Variants in FRMD4A observed in about 807,000 individuals in gnomAD.
FRMD4A encodes FERM domain containing 4A.
Under a neutral mutation model 129.1 loss-of-function variants are expected in FRMD4A, and 29 were observed. The ratio of observed to expected loss-of-function variants is 0.22; its 90% confidence interval spans 0.17 to 0.31. The LOEUF (loss-of-function observed/expected upper bound fraction) is 0.31, where lower values mean the gene tolerates loss of function less well. FRMD4A is among the 10% of genes least tolerant of loss of function. FRMD4A has a pLI of 1.00. For missense variants in FRMD4A, 1,272 were observed against 1,375.8 expected (o/e 0.92, Z 1.19); for synonymous variants, 634 against 571.6 (o/e 1.11, Z -1.56).
intron 2 of FRMD4A, among the ~76,000 whole-genome samples, chr10:14,012,414 A>C (rs2095685461): frequency 6.6e-6 from 1 of 152,204 alleles, no homozygotes; most frequent in South Asian, 2.1e-4. Flanking sequence ...AGGTTTCAGG[A>C]AAGTCAATGG....
At chr10:13,694,290 T>C (rs896424947) in intron 14 of FRMD4A, among the ~76,000 whole-genome samples, 4 of 152,242 alleles carry the variant, frequency 2.6e-5, no homozygotes, top group Non-Finnish European at 1.5e-5. Context: ...TAGGCTGCAC[T>C]GCTTTGTGCT....
intron 23 of FRMD4A, chr10:13,652,219 A>G: frequency 7.2e-6 from 4 of 559,298 alleles, no homozygotes; most frequent in Non-Finnish European, 1.3e-5. Context: ...GTATCACATC[A>G]TAGCAAACAG....
intron 3 of FRMD4A, among the ~76,000 whole-genome samples, chr10:13,834,769 A>G (rs2093846874): frequency 6.6e-6 from 1 of 152,168 alleles, no homozygotes; most frequent in African/African-American, 2.4e-5. Context: ...ACACATTTCC[A>G]GGAAGGCTAT....
chr10:13,927,262 G>GA (rs947768696), intron 2 of FRMD4A, among the ~76,000 whole-genome samples: 8 of 133,342 alleles, frequency 6.0e-5, no homozygotes, highest in East Asian at 4.3e-4. Context: ...CAAAAAAAAA[G>GA]AAAAAAAAAA....
At chr10:13,746,859 G>A (rs766805120) in intron 9 of FRMD4A, among the ~76,000 whole-genome samples, 1 of 152,130 alleles carries the variant, frequency 6.6e-6, no homozygotes, top group African/African-American at 2.4e-5. Flanking sequence ...CCCAACTGTG[G>A]CCCAAACCAC....
intron 2 of FRMD4A, among the ~76,000 whole-genome samples, chr10:14,137,461 T>C (rs553058606): frequency 1.3e-5 from 2 of 152,210 alleles, no homozygotes; most frequent in Non-Finnish European, 1.5e-5. Flanking sequence ...TCCTCTCCCA[T>C]TGAGATTCCC....
chr10:13,946,354 T>C (rs1211636141), intron 2 of FRMD4A, among the ~76,000 whole-genome samples: 1 of 152,240 alleles, frequency 6.6e-6, no homozygotes, highest in Admixed American at 6.5e-5. Context: ...CTCAGCCATA[T>C]TGTCAACCAA....
intron 2 of FRMD4A, among the ~76,000 whole-genome samples, chr10:14,080,965 G>A (rs939128231): frequency 2.6e-5 from 4 of 151,908 alleles, no homozygotes; most frequent in South Asian, 2.1e-4. Context: ...TGATGGAACC[G>A]TCATCTCTGT....
chr10:14,085,422 C>A (rs1836209427), intron 2 of FRMD4A, among the ~76,000 whole-genome samples: 1 of 152,218 alleles, frequency 6.6e-6, no homozygotes, highest in African/African-American at 2.4e-5. Flanking sequence ...AAAATAGTAG[C>A]TTTTCAGCAG....
intron 2 of FRMD4A, among the ~76,000 whole-genome samples, chr10:13,899,274 T>A (rs547965766): frequency 6.6e-6 from 1 of 152,234 alleles, no homozygotes; most frequent in East Asian, 1.9e-4. Context: ...ACAACTAACA[T>A]TGTGGTGAGT....
chr10:13,650,046 C>T (rs934620333), intron 24 of FRMD4A, among the ~76,000 whole-genome samples: 1 of 152,162 alleles, frequency 6.6e-6, no homozygotes, highest in Non-Finnish European at 1.5e-5. Context: ...TGCCCTTTCC[C>T]AGGGCTATGC....
intron 3 of FRMD4A, among the ~76,000 whole-genome samples, chr10:13,832,159 C>G (rs956159603): frequency 1.3e-4 from 20 of 151,972 alleles, no homozygotes; most frequent in Non-Finnish European, 2.6e-4. Flanking sequence ...CCCAGCTCAC[C>G]GGGGGTGAAC....
intron 2 of FRMD4A, among the ~76,000 whole-genome samples, chr10:13,898,840 C>T (rs767133218): frequency 2.9e-4 from 44 of 152,166 alleles, no homozygotes; most frequent in Non-Finnish European, 4.3e-4. Flanking sequence ...ACTCCTTTTC[C>T]AGGGCAACCT....
At chr10:14,067,200 A>G (rs568721603) in intron 2 of FRMD4A, among the ~76,000 whole-genome samples, 10 of 151,498 alleles carry the variant, frequency 6.6e-5, no homozygotes, top group African/African-American at 2.4e-4. Flanking sequence ...CCTGTAATCC[A>G]AGCTACTCGG....
At chr10:14,154,158 C>G (rs1840484627) in intron 2 of FRMD4A, among the ~76,000 whole-genome samples, 1 of 152,154 alleles carries the variant, frequency 6.6e-6, no homozygotes, top group South Asian at 2.1e-4. Context: ...TTTCTCTAGA[C>G]TTCAAGGTCT....
At chr10:13,900,531 T>C (rs766860803) in intron 2 of FRMD4A, among the ~76,000 whole-genome samples, 1 of 152,204 alleles carries the variant, frequency 6.6e-6, no homozygotes, top group Non-Finnish European at 1.5e-5. Flanking sequence ...GTTAACATTC[T>C]AAGTATACTC....
chr10:14,088,550 T>C (rs1836436019), intron 2 of FRMD4A, among the ~76,000 whole-genome samples: 1 of 151,176 alleles, frequency 6.6e-6, no homozygotes, highest in Admixed American at 6.6e-5. Flanking sequence ...GTGGATCACC[T>C]AAGGTCAAGG....
intron 24 of FRMD4A, 172 bp downstream of exon 24, chr10:13,651,731 T>G: frequency 1.6e-6 from 1 of 613,384 alleles, no homozygotes; most frequent in Non-Finnish European, 3.0e-6. Flanking sequence ...TATCATAATT[T>G]TGATGTAAGA....
chr10:13,670,544 G>A lies in FRMD4A; in HGVS notation c.1252-16C>T, dbSNP rs762672385. 1.2e-5 allele frequency: 20 copies of A among 1,610,684 alleles called. No individual in the cohort carries two copies. The Middle Eastern group carries it at 6.6e-4, about 53-fold the overall frequency. ...CCGTGAGCTCCTGCATATGTGAAATGGCATTCGGAGTGAGCACAAATCAGA... is the reference window on the plus strand; with the variant it reads ...CCGTGAGCTCCTGCATATGTGAAATAGCATTCGGAGTGAGCACAAATCAGA... On this transcript the variant is annotated splice_polypyrimidine_tract_variant and intron_variant, in intron 16 of 24. Coordinates refer to ENST00000357447, the MANE Select transcript of FRMD4A (RefSeq NM_018027.5).
Sources: allele counts gnomAD v4.1 joint callset (sites outside exome capture counted in the v4.1 genomes callset), GRCh38; gene constraint gnomAD v4.1.1; transcripts MANE v1.5; gene names NCBI Gene and HGNC (gene_info 2026-07-23, HGNC 2026-07-21).